TINAG: variants seen among roughly 807,000 people sequenced by gnomAD.
The protein encoded by TINAG is tubulointerstitial nephritis antigen.
TINAG carries 83 observed loss-of-function variants against 72.7 expected under a neutral mutation model. The observed-to-expected ratio is 1.14, with a 90% CI of 0.96 to 1.37. The LOEUF is 1.37. TINAG is among the 40% of genes most tolerant of loss of function. TINAG has a pLI of 0.00. For synonymous variants in TINAG, 234 were observed against 189.9 expected, an observed-to-expected ratio of 1.23 and a Z score of -1.91; for missense variants, 685 against 576.6, an observed-to-expected ratio of 1.19 and a Z score of -1.93.
intron 4 of TINAG, among the ~76,000 whole-genome samples, chr6:54,327,559 T>A (rs1784636878): frequency 2.0e-5 from 3 of 150,682 alleles, no homozygotes; most frequent in African/African-American, 7.3e-5. Context: ...CTGCAGGAGT[T>A]TTTTTTTTCA....
At chr6:54,351,465 T>C in intron 8 of TINAG, 68 bp downstream of exon 8, 1 of 1,433,036 alleles carries the variant, frequency 7.0e-7, no homozygotes. Flanking sequence ...ATTGAGCTCA[T>C]GTAATAGGAG....
chr6:54,375,728 C>T (rs562472681), intron 9 of TINAG, among the ~76,000 whole-genome samples: 1 of 152,062 alleles, frequency 6.6e-6, no homozygotes, highest in African/African-American at 2.4e-5. Context: ...GTTAAAAGAA[C>T]AAACAACGTT....
chr6:54,367,827 G>A (rs957652376), intron 9 of TINAG, among the ~76,000 whole-genome samples: 2 of 151,888 alleles, frequency 1.3e-5, no homozygotes, highest in South Asian at 2.1e-4. Flanking sequence ...GTTGGAGGAT[G>A]GAAAGTCTAA....
At chr6:54,378,579 C>T (rs1377182827) in intron 9 of TINAG, among the ~76,000 whole-genome samples, 1 of 152,068 alleles carries the variant, frequency 6.6e-6, no homozygotes. Context: ...AAACTGATAG[C>T]AGTTGAACAA....
chr6:54,361,981 C>A (rs1213746719), intron 9 of TINAG, among the ~76,000 whole-genome samples: 2 of 151,588 alleles, frequency 1.3e-5, no homozygotes. Context: ...GAGTAAGCTG[C>A]TGAAGAAAGG....
intron 1 of TINAG, among the ~76,000 whole-genome samples, chr6:54,320,041 A>G (rs1240941454): frequency 6.6e-6 from 1 of 152,102 alleles, no homozygotes; most frequent in African/African-American, 2.4e-5. Flanking sequence ...TTGGAAGGCA[A>G]ATGGCTACAA....
chr6:54,378,034 G>GAGA (rs1763835185), intron 9 of TINAG, among the ~76,000 whole-genome samples: 1 of 152,074 alleles, frequency 6.6e-6, no homozygotes, highest in Admixed American at 6.6e-5. Flanking sequence ...AAGCTGTCTA[G>GAGA]AGAAGACAGA....
chr6:54,327,294 A>C (rs1784630407), intron 4 of TINAG: 5 of 1,087,810 alleles, frequency 4.6e-6, no homozygotes, highest in Non-Finnish European at 2.4e-6. Context: ...GGTGCAGCCC[A>C]TGGAGGGTGA....
At chr6:54,351,461 C>A in intron 8 of TINAG, 64 bp downstream of exon 8, 1 of 1,453,340 alleles carries the variant, frequency 6.9e-7, no homozygotes, top group Non-Finnish European at 9.6e-7. Context: ...TTACATTGAG[C>A]TCATGTAATA....
intron 3 of TINAG, among the ~76,000 whole-genome samples, chr6:54,322,387 A>G (rs978665801): frequency 6.6e-6 from 1 of 152,130 alleles, no homozygotes; most frequent in Non-Finnish European, 1.5e-5. Context: ...GGCTTTTATT[A>G]TAGAACTAAA....
At chr6:54,353,476 G>A (rs1334467109) in intron 8 of TINAG, among the ~76,000 whole-genome samples, 1 of 151,822 alleles carries the variant, frequency 6.6e-6, no homozygotes, top group Non-Finnish European at 1.5e-5. Flanking sequence ...CTGTAGGATT[G>A]AAAATAAGTA....
At chr6:54,389,455 C>A (rs530684497) in intron 10 of TINAG, among the ~76,000 whole-genome samples, 4 of 152,292 alleles carry the variant, frequency 2.6e-5, no homozygotes, top group African/African-American at 4.8e-5. Flanking sequence ...CGTCTTCCAG[C>A]ACCTAGCACA....
intron 10 of TINAG, among the ~76,000 whole-genome samples, chr6:54,384,471 A>G (rs1037197500): frequency 6.6e-6 from 1 of 152,176 alleles, no homozygotes; most frequent in South Asian, 2.1e-4. Context: ...ATTTAAAATG[A>G]CACATTATTC....
chr6:54,372,716 A>G (rs1582753398), intron 9 of TINAG, among the ~76,000 whole-genome samples: 1 of 138,302 alleles, frequency 7.2e-6, no homozygotes, highest in Non-Finnish European at 1.5e-5. Context: ...AGAATATTAT[A>G]TAAATACATA....
upstream of TINAG, chr6:54,308,083 C>T (rs866938321): frequency 3.9e-6 from 6 of 1,549,710 alleles, no homozygotes; most frequent in Admixed American, 2.0e-5. Context: ...CCTGGATGTT[C>T]GTTTCAATGC....
At chr6:54,327,210 A>C (rs77691817) in intron 4 of TINAG, 2 of 1,521,698 alleles carry the variant, frequency 1.3e-6, no homozygotes, top group African/African-American at 2.8e-5. Context: ...AGCGAGACCA[A>C]CGTAGAAGGT....
chr6:54,320,788 G>T, intron 2 of TINAG, 146 bp downstream of exon 2: 2 of 565,242 alleles, frequency 3.5e-6, no homozygotes, highest in Non-Finnish European at 5.9e-6. Context: ...CTGTAACTTT[G>T]TATAAGCATA....
chr6:54,309,963 A>G (rs896863896), intron 1 of TINAG, among the ~76,000 whole-genome samples: 2 of 152,028 alleles, frequency 1.3e-5, no homozygotes, highest in Admixed American at 1.3e-4. Flanking sequence ...AATTTTCCAC[A>G]TAATTGTTAT....
At position 54,366,603 on chromosome 6, in the gene TINAG, G is replaced by GGAGGGA. The variant is rs1554208275; in HGVS notation, c.1250+11970_1250+11971insGGAGAG. ...AGATAGAGAAGAGGGAGGGAGGGAG[G>GGAGGGA]GAGAGAGAGAGAGAGAGAGAAGAAA... On this transcript the variant is annotated intron_variant, in intron 9 of 10. Transcript: ENST00000259782. Among the ~76,000 whole-genome samples the GGAGGGA allele has an allele frequency of 3.2e-3, 474 of 147,598 alleles. 5 individuals are homozygous for GGAGGGA. The highest frequency in any genetic ancestry group is 0.011 in the African/African-American group (455 of 40,350).
Sources: allele counts gnomAD v4.1 joint callset (sites outside exome capture counted in the v4.1 genomes callset), GRCh38; gene constraint gnomAD v4.1.1; transcripts MANE v1.5; gene names NCBI Gene and HGNC (gene_info 2026-07-23, HGNC 2026-07-21).